The following PITPNM2 variants were observed in gnomAD, a reference collection of about 807,000 sequenced individuals.
PITPNM2 encodes phosphatidylinositol transfer protein membrane associated 2, also known as membrane-associated phosphatidylinositol transfer protein 2.
In PITPNM2, 35 loss-of-function variants were observed where a neutral mutation model predicts 132.2. That is an observed-to-expected ratio of 0.26 (90% CI 0.20 to 0.35). The LOEUF (loss-of-function observed/expected upper bound fraction) is 0.35. Among genes scored for constraint, PITPNM2 ranks in the 10% least tolerant of loss-of-function variants. PITPNM2 has a pLI of 1.00. For missense variants in PITPNM2, 1,332 were observed against 1,912.0 expected (o/e 0.70, Z 5.66); for synonymous variants, 738 against 799.2 (o/e 0.92, Z 1.29).
intron 2 of PITPNM2, among the ~76,000 whole-genome samples, chr12:123,102,551 A>G (rs767147506): frequency 1.3e-5 from 2 of 152,206 alleles, no homozygotes; most frequent in Non-Finnish European, 2.9e-5. Context: ...CAAGACAGCA[A>G]AAGCAACATC....
intron 3 of PITPNM2, among the ~76,000 whole-genome samples, chr12:123,028,625 C>T (rs2039953982): frequency 6.6e-6 from 1 of 152,140 alleles, no homozygotes. Context: ...CTTTAACTTA[C>T]TTTTTAGCAA....
At chr12:123,039,943 G>A (rs537506411) in intron 2 of PITPNM2, among the ~76,000 whole-genome samples, 1 of 152,136 alleles carries the variant, frequency 6.6e-6, no homozygotes, top group Non-Finnish European at 1.5e-5. Flanking sequence ...ACCAGCCTGA[G>A]CAACGTGGTG....
chr12:123,094,587 G>A (rs919897078), intron 2 of PITPNM2, among the ~76,000 whole-genome samples: 2 of 152,214 alleles, frequency 1.3e-5, no homozygotes, highest in Non-Finnish European at 2.9e-5. Context: ...ATAAAGCCAG[G>A]AACTTGGGAA....
chr12:123,091,417 C>T (rs568392831), intron 2 of PITPNM2: 11 of 152,340 alleles, frequency 7.2e-5, no homozygotes, highest in East Asian at 3.9e-4. Flanking sequence ...TTCATTCTCA[C>T]CACCACTGAC....
intron 2 of PITPNM2, among the ~76,000 whole-genome samples, chr12:123,079,212 C>G (rs1187365188): frequency 6.6e-6 from 1 of 152,164 alleles, no homozygotes; most frequent in African/African-American, 2.4e-5. Context: ...AGGACTAAAA[C>G]TACAGCAGGT....
intron 1 of PITPNM2, among the ~76,000 whole-genome samples, chr12:123,129,495 G>A (rs937347168): frequency 5.3e-5 from 8 of 151,756 alleles, no homozygotes; most frequent in South Asian, 2.1e-4. Flanking sequence ...GCGTGAACCC[G>A]GGAGGCGGAG....
rs1451695630 is a variant in PITPNM2 at position 123,000,653 on chromosome 12, G to C, written c.1224+125C>G. 3 of 1,069,924 alleles carry C rather than the reference G, an allele frequency of 2.8e-6. No individual in the cohort carries two copies. The highest frequency in any genetic ancestry group is 3.1e-5 in the African/African-American group (2 of 63,768). The allele number at this position is 1,069,924 out of a possible 1,614,324, so 66.3% of individuals were successfully genotyped here. A position where few individuals can be genotyped will look rare whatever the true frequency, so the allele number is the denominator to read the frequency against. ...CAGGCCTCTCCCCAGACAGTACCCAGGCAGGCGTGGAGGTGAGGCTGCCAG... is the reference window on the plus strand; with the variant it reads ...CAGGCCTCTCCCCAGACAGTACCCACGCAGGCGTGGAGGTGAGGCTGCCAG... On this transcript the variant is annotated intron_variant, in intron 10 of 25. Coordinates refer to ENST00000320201, the MANE Select transcript of PITPNM2 (RefSeq NM_020845.3). This position sits in a 1 kb window ranked among gnomAD's most constrained non-coding sequence, Gnocchi z 5.4.
chr12:123,076,968 G>A (rs1465622933), intron 2 of PITPNM2, among the ~76,000 whole-genome samples: 1 of 151,956 alleles, frequency 6.6e-6, no homozygotes, highest in Non-Finnish European at 1.5e-5. Flanking sequence ...CCTGTGCCGG[G>A]CATGGGTCGG....
In PITPNM2 at chr12:123,005,619, G is replaced by A. The variant is rs1178518901; in HGVS notation, c.644-71C>T. The A allele has an allele frequency of 1.4e-6, 2 of 1,479,796 alleles. No homozygotes were observed. The allele number at this position is 1,479,796 out of a possible 1,614,324, so 91.7% of individuals were successfully genotyped here. The stretch of plus-strand genomic sequence containing the variant: ...TCAGCGCAGGAGCCTGCACGGAAGT[G>A]TGGGGCCCAGGCAGGGGCTTTGGGA... On this transcript the variant is annotated intron_variant, in intron 6 of 25. Transcript: ENST00000320201. This position sits in a 1 kb window ranked among gnomAD's most constrained non-coding sequence, Gnocchi z 6.2.
In PITPNM2 at chr12:122,985,914, C is replaced by T. The variant is rs972196924; in HGVS notation, c.*113G>A. ...GTGCGGCCCGTGTCCTCCACAAGGC[C>T]CTGGGACAATCTCCCAGGCCCACGT... On this transcript the variant is annotated 3_prime_UTR_variant, in exon 26 of 26. Coordinates refer to ENST00000320201, the MANE Select transcript of PITPNM2 (RefSeq NM_020845.3). The T allele has an allele frequency of 2.7e-5, 28 of 1,049,220 alleles. No individual in the cohort carries two copies. The Admixed American group carries it at 7.1e-4, about 27-fold the overall frequency. The allele number at this position is 1,049,220 out of a possible 1,614,324, so 65.0% of individuals were successfully genotyped here. A position where few individuals can be genotyped will look rare whatever the true frequency, so the allele number is the denominator to read the frequency against.
At chr12:123,133,725 T>C (rs2043312580) in intron 1 of PITPNM2, among the ~76,000 whole-genome samples, 1 of 151,832 alleles carries the variant, frequency 6.6e-6, no homozygotes, top group South Asian at 2.1e-4. Context: ...AGTAGAAACA[T>C]GAGGAATGTG....
At chr12:123,119,149 G>C (rs754087769) in intron 1 of PITPNM2, among the ~76,000 whole-genome samples, 4 of 152,146 alleles carry the variant, frequency 2.6e-5, no homozygotes, top group Non-Finnish European at 4.4e-5. Flanking sequence ...ACTTAACGCA[G>C]CAAGACAGCT....
chr12:123,000,257 A>T lies in PITPNM2; in HGVS notation c.1224+521T>A. 1.7e-6 allele frequency: 1 copy of T among 603,378 alleles called. No homozygotes were observed. The highest frequency in any genetic ancestry group is 3.0e-6 in the Non-Finnish European group (1 of 338,054). The allele number at this position is 603,378 out of a possible 1,614,324, so 37.4% of individuals were successfully genotyped here. A position where few individuals can be genotyped will look rare whatever the true frequency, so the allele number is the denominator to read the frequency against. ...TCTGACGGCCCGCAGGTGGAGGAGG[A>T]TGGGGCATGAACTCCCACAGAGAAC... On this transcript the variant is annotated intron_variant, in intron 10 of 25. Transcript: ENST00000320201. This position sits in a 1 kb window ranked among gnomAD's most constrained non-coding sequence, Gnocchi z 5.4.
rs1444462442 is a variant in PITPNM2 at position 123,066,565 on chromosome 12, CAG to C, written c.-95-31882_-95-31881del. On this transcript the variant is annotated intron_variant, in intron 2 of 25. Transcript: ENST00000320201. ...CAAGCACAGACTGAGAGCTGGGAGA[CAG>C]ACAGACTCCTCTCTGCAATGCCCAT... Among the ~76,000 whole-genome samples the C allele has an allele frequency of 2.0e-5, 3 of 152,270 alleles. No homozygotes were observed. In the East Asian group the frequency reaches 5.8e-4, roughly 29 times the overall value.
At chr12:123,094,624 T>C (rs1049636374) in intron 2 of PITPNM2, among the ~76,000 whole-genome samples, 13 of 152,110 alleles carry the variant, frequency 8.5e-5, no homozygotes, top group Non-Finnish European at 1.8e-4. Flanking sequence ...ACTCTTCTCC[T>C]CCCCCACAGG....
In PITPNM2 at chr12:123,042,034, C is replaced by A. The variant is rs570365158; in HGVS notation, c.-95-7349G>T. Among the ~76,000 whole-genome samples, 7 of 152,104 alleles carry A rather than the reference C, an allele frequency of 4.6e-5. No individual in the cohort carries two copies. The South Asian group carries it at 1.5e-3, about 32-fold the overall frequency. Reference sequence around the variant, plus strand: ...CTCAGGGAGGCCATGGAGCAAGAGACCAGCCGTGGGCAAGGCGCGAGGTGC... The same window carrying A: ...CTCAGGGAGGCCATGGAGCAAGAGAACAGCCGTGGGCAAGGCGCGAGGTGC... On this transcript the variant is annotated intron_variant, in intron 2 of 25. Transcript: ENST00000320201.
intron 1 of PITPNM2, among the ~76,000 whole-genome samples, chr12:123,115,988 G>A (rs1228370659): frequency 1.3e-5 from 2 of 152,230 alleles, no homozygotes; most frequent in East Asian, 1.9e-4. Context: ...CCAGGCTTTG[G>A]AAGGGTTTAT....
rs1269231973 is a variant in PITPNM2, at chr12:122,991,685, TG to T, written c.2404+813del. Reference sequence around the variant, plus strand: ...GTGAGTGGCCAAGGAGGGCATGGATTGGGGGGTGTCCCTGAGGACCAGGTCA... The same window carrying T: ...GTGAGTGGCCAAGGAGGGCATGGATTGGGGGTGTCCCTGAGGACCAGGTCA... On this transcript the variant is annotated intron_variant, in intron 16 of 25. Transcript: ENST00000320201. 3.1e-6 allele frequency: 4 copies of T among 1,275,180 alleles called. No homozygotes were observed. In the African/African-American group the frequency reaches 6.1e-5, roughly 19 times the overall value. The allele number at this position is 1,275,180 out of a possible 1,614,324, so 79.0% of individuals were successfully genotyped here.
intron 2 of PITPNM2, among the ~76,000 whole-genome samples, chr12:123,038,850 A>AT (rs2040366680): frequency 6.6e-6 from 1 of 152,194 alleles, no homozygotes; most frequent in Non-Finnish European, 1.5e-5. Flanking sequence ...CTATAATCCT[A>AT]GCACTTTGGG....
Sources: allele counts gnomAD v4.1 joint callset (sites outside exome capture counted in the v4.1 genomes callset), GRCh38; gene constraint gnomAD v4.1.1; non-coding constraint Gnocchi (gnomAD v3.1); transcripts MANE v1.5; gene names NCBI Gene and HGNC (gene_info 2026-07-23, HGNC 2026-07-21).